The following RAPH1 variants were observed in gnomAD, a reference collection of about 807,000 sequenced individuals.
The protein encoded by RAPH1 is ras-associated and pleckstrin homology domains-containing protein 1.
RAPH1 carries 18 observed loss-of-function variants against 88.1 expected under a neutral mutation model. That is an observed-to-expected ratio of 0.20 (90% CI 0.14 to 0.30). RAPH1 has a LOEUF of 0.30. Ranked by LOEUF, RAPH1 falls within the 10% of genes least tolerant of loss-of-function variation. The pLI, the probability that RAPH1 is intolerant of heterozygous loss-of-function variation, is 1.00. For missense variants in RAPH1, 1,448 were observed against 1,543.2 expected (o/e 0.94, Z 1.03); for synonymous variants, 587 against 559.0 (o/e 1.05, Z -0.71).
At chr2:203,500,332 A>C (rs1688687462) in intron 1 of RAPH1, among the ~76,000 whole-genome samples, 1 of 152,220 alleles carries the variant, frequency 6.6e-6, no homozygotes, top group Admixed American at 6.5e-5. Flanking sequence ...AACATATACA[A>C]GGGTATAAAG....
Position 203,534,427 on chromosome 2 carries a change from T to G in RAPH1, c.-1+684A>C, listed in dbSNP as rs1276523783. Reference sequence around the variant, plus strand: ...ACACAGTGGGGACACCCTAAGTCACTGCCTTAAGAAAACCACATCTTTCAA... The same window carrying G: ...ACACAGTGGGGACACCCTAAGTCACGGCCTTAAGAAAACCACATCTTTCAA... On this transcript the variant is annotated intron_variant, in intron 1 of 13. Transcript: ENST00000319170. Among the ~76,000 whole-genome samples the G allele has an allele frequency of 3.3e-5, 5 of 150,004 alleles. No individual in the cohort carries two copies. The Middle Eastern group carries it at 0.01, about 308-fold the overall frequency.
At chr2:203,502,282 T>C (rs1194680691) in intron 1 of RAPH1, among the ~76,000 whole-genome samples, 3 of 152,160 alleles carry the variant, frequency 2.0e-5, no homozygotes, top group African/African-American at 7.2e-5. Context: ...CGGTAAATTC[T>C]TCTTTACCCA....
intron 13 of RAPH1, 178 bp downstream of exon 13, chr2:203,444,690 T>A: frequency 2.1e-6 from 1 of 465,444 alleles, no homozygotes; most frequent in Non-Finnish European, 3.7e-6. Flanking sequence ...CAAGGGGAAG[T>A]CAAATCAACA....
chr2:203,525,741 C>G (rs1690086469), intron 1 of RAPH1, among the ~76,000 whole-genome samples: 1 of 152,166 alleles, frequency 6.6e-6, no homozygotes, highest in Non-Finnish European at 1.5e-5. Context: ...TGGGCCACTG[C>G]ACTCCAGCCT....
intron 4 of RAPH1, among the ~76,000 whole-genome samples, chr2:203,462,509 G>A (rs151013286): frequency 2.2e-4 from 34 of 152,242 alleles, no homozygotes; most frequent in African/African-American, 6.7e-4. Flanking sequence ...GCCTTATTGC[G>A]TAAGTTTCAC....
chr2:203,441,454 C>T, intron 13 of RAPH1, 41 bp from the exon 14 acceptor site: 1 of 1,493,614 alleles, frequency 6.7e-7, no homozygotes, highest in Non-Finnish European at 8.9e-7. Flanking sequence ...GAGAAAAACA[C>T]AACAAACAAA....
At chr2:203,513,898 G>A (rs1689478671) in intron 1 of RAPH1, among the ~76,000 whole-genome samples, 1 of 151,356 alleles carries the variant, frequency 6.6e-6, no homozygotes, top group Non-Finnish European at 1.5e-5. Flanking sequence ...AGGCTGGAGT[G>A]CAGTGGTGTG....
intron 4 of RAPH1, chr2:203,470,375 A>C: frequency 1.9e-6 from 2 of 1,080,976 alleles, no homozygotes; most frequent in Admixed American, 4.2e-5. Context: ...TGGAGGTTTT[A>C]TGTGTTTAAA....
chr2:203,461,709 T>C (rs1244444551), intron 5 of RAPH1, 139 bp downstream of exon 5: 6 of 610,688 alleles, frequency 9.8e-6, no homozygotes, highest in Non-Finnish European at 1.6e-5. Flanking sequence ...AAATACTACA[T>C]GTGAAAAATA....
At chr2:203,507,044 C>T (rs1689121162) in intron 1 of RAPH1, among the ~76,000 whole-genome samples, 1 of 149,998 alleles carries the variant, frequency 6.7e-6, no homozygotes, top group Non-Finnish European at 1.5e-5. Flanking sequence ...TTACAGGCGC[C>T]TGCCACCACA....
chr2:203,449,262 A>T (rs2098512696), intron 10 of RAPH1, among the ~76,000 whole-genome samples: 2 of 152,190 alleles, frequency 1.3e-5, no homozygotes, highest in African/African-American at 4.8e-5. Flanking sequence ...ACTTTGACAA[A>T]GCTTCAGTGT....
rs2098500041 is a variant in RAPH1, at chr2:203,438,211, C to CT, written c.*1225dup. 3.9e-6 allele frequency: 2 copies of CT among 517,884 alleles called. No individual in the cohort carries two copies. Among genetic ancestry groups the CT allele is most frequent in the Non-Finnish European group, 7.7e-6 (2 of 259,562 alleles). The allele number at this position is 517,884 out of a possible 1,614,324, so 32.1% of individuals were successfully genotyped here. A position where few individuals can be genotyped will look rare whatever the true frequency, so the allele number is the denominator to read the frequency against. ...GTAGCCCCAGTAGCTATAAATGAAA[C>CT]TGTCTTCCCTCTCCATGTAGTCCCA... On this transcript the variant is annotated 3_prime_UTR_variant, in exon 14 of 14. Coordinates refer to ENST00000319170, the MANE Select transcript of RAPH1 (RefSeq NM_213589.3).
At chr2:203,519,322 T>C (rs897690744) in intron 1 of RAPH1, among the ~76,000 whole-genome samples, 1 of 152,224 alleles carries the variant, frequency 6.6e-6, no homozygotes, top group Non-Finnish European at 1.5e-5. Context: ...TTATCTCAAG[T>C]ATGCAAGGCT....
Position 203,440,269 on chromosome 2 carries a change from G to A in RAPH1, c.2921C>T (p.Thr974Ile), listed in dbSNP as rs771301504. 1.9e-6 allele frequency: 3 copies of A among 1,613,942 alleles called. No individual in the cohort carries two copies. Among genetic ancestry groups the A allele is most frequent in the South Asian group, 1.1e-5 (1 of 91,062 alleles). The change falls in exon 14 of 14, where the codon ACC (threonine) becomes ATC (isoleucine). Residue 974 changes from threonine (T) to isoleucine (I), a missense_variant. Physicochemically the swap from Thr to Ile is moderately conservative, Grantham distance 89. Transcript: ENST00000319170. The part of the protein sequence containing the change: ...SSPGGKKPPP[T>I]PQRNSSIKSS... The stretch of plus-strand genomic sequence containing the variant: ...TTTAATGCTGGAGTTGCGCTGTGGG[G>A]TTGGGGGTGGTTTCTTTCCCCCAGG...
intron 4 of RAPH1, among the ~76,000 whole-genome samples, chr2:203,482,180 C>CTTTAT (rs979801781): frequency 3.9e-5 from 6 of 151,942 alleles, no homozygotes; most frequent in Non-Finnish European, 5.9e-5. Context: ...ATACCTATTC[C>CTTTAT]TTTATTTTAT....
At chr2:203,477,740 T>A (rs1287042190) in intron 4 of RAPH1, among the ~76,000 whole-genome samples, 1 of 152,116 alleles carries the variant, frequency 6.6e-6, no homozygotes, top group East Asian at 1.9e-4. Context: ...ATGTTCTAGA[T>A]CCCATTCATT....
intron 4 of RAPH1, among the ~76,000 whole-genome samples, chr2:203,464,760 C>G (rs1440005068): frequency 6.7e-6 from 1 of 149,950 alleles, no homozygotes; most frequent in Non-Finnish European, 1.5e-5. Flanking sequence ...TGATAAAGAA[C>G]TGTTATAAAA....
At chr2:203,475,226 T>C (rs2098536393) in intron 4 of RAPH1, among the ~76,000 whole-genome samples, 1 of 152,056 alleles carries the variant, frequency 6.6e-6, no homozygotes, top group Non-Finnish European at 1.5e-5. Context: ...GCTAACATGG[T>C]GAAACCCCGT....
In RAPH1 at chr2:203,455,586, A is replaced by G. The variant is rs2098518664; in HGVS notation, c.1159-6T>C. On this transcript the variant is annotated splice_polypyrimidine_tract_variant and splice_region_variant and intron_variant, in intron 8 of 13. Transcript: ENST00000319170. ...GAACTTCCACAAAAACATTCCTAAA[A>G]TAACAAGATTATTTGCAAAGACTTA... is the stretch of plus-strand genomic sequence containing the variant. The G allele has an allele frequency of 6.2e-7, 1 of 1,610,944 alleles. No individual in the cohort carries two copies. Among genetic ancestry groups the G allele is most frequent in the Non-Finnish European group, 8.5e-7 (1 of 1,178,588 alleles).
Sources: allele counts gnomAD v4.1 joint callset (sites outside exome capture counted in the v4.1 genomes callset), GRCh38; gene constraint gnomAD v4.1.1; transcripts MANE v1.5; gene names NCBI Gene and HGNC (gene_info 2026-07-23, HGNC 2026-07-21).